The following PKHD1 variants were observed in gnomAD, a reference collection of about 807,000 sequenced individuals.
The protein encoded by PKHD1 is PKHD1 ciliary IPT domain containing fibrocystin/polyductin.
PKHD1 carries 291 observed loss-of-function variants against 412.0 expected under a neutral mutation model. The observed-to-expected ratio is 0.71, with a 90% confidence interval of 0.64 to 0.78. The LOEUF (loss-of-function observed/expected upper bound fraction) is 0.78. Ranked by LOEUF, PKHD1 falls within the 30% of genes least tolerant of loss-of-function variation. PKHD1 has a pLI of 0.00. For missense variants in PKHD1, 4,825 were observed against 4,950.7 expected (o/e 0.97, Z 0.76); for synonymous variants, 1,777 against 1,821.5 (o/e 0.98, Z 0.62).
chr6:51,730,636 A>T (rs896914090), intron 60 of PKHD1, among the ~76,000 whole-genome samples: 1 of 152,220 alleles, frequency 6.6e-6, no homozygotes, highest in African/African-American at 2.4e-5. Context: ...GAAAATGTAA[A>T]TACATAAAGA....
chr6:52,073,279 A>G (rs1810889145), intron 7 of PKHD1, among the ~76,000 whole-genome samples, 184 bp downstream of exon 7: 1 of 152,228 alleles, frequency 6.6e-6, no homozygotes, highest in African/African-American at 2.4e-5. Flanking sequence ...AACTTAATTG[A>G]CCAGTTGCAA....
intron 53 of PKHD1, among the ~76,000 whole-genome samples, chr6:51,780,386 CAAAGAAAAA>C (rs1791787555): frequency 6.9e-6 from 1 of 144,602 alleles, no homozygotes; most frequent in Non-Finnish European, 1.5e-5. Context: ...GACTCCATCT[CAAAGAAAAA>C]AAAAAAAGAA....
intron 60 of PKHD1, among the ~76,000 whole-genome samples, chr6:51,670,944 T>A (rs1436561052): frequency 6.6e-6 from 1 of 152,020 alleles, no homozygotes; most frequent in Non-Finnish European, 1.5e-5. Context: ...CTTCCCTTTG[T>A]GGGTAACCAG....
In PKHD1 at chr6:52,058,584, GATGGAGGCC is replaced by G. The variant is rs1554217913; in HGVS notation, c.1242_1250del (p.Ala415_Ile417del). The G allele has an allele frequency of 5.0e-6, 8 of 1,614,116 alleles. No homozygotes were observed. In the East Asian group the frequency reaches 1.8e-4, roughly 36 times the overall value. On this transcript the variant is annotated inframe_deletion, in exon 16 of 67. Coordinates refer to ENST00000371117, the MANE Select transcript of PKHD1 (RefSeq NM_138694.4). ...CAAACCAGTCAGCAGTGCCGACGCT[GATGGAGGCC>G]ACTTTCACCTATGCCCAAATAAGCA...
intron 43 of PKHD1, among the ~76,000 whole-genome samples, chr6:51,901,305 C>T (rs935854955): frequency 3.3e-5 from 5 of 152,118 alleles, no homozygotes; most frequent in Non-Finnish European, 5.9e-5. Context: ...ATCAAGAAAA[C>T]GTGGCACATA....
chr6:51,941,334 C>G (rs1472987274), intron 36 of PKHD1, among the ~76,000 whole-genome samples: 7 of 143,618 alleles, frequency 4.9e-5, no homozygotes, highest in Admixed American at 2.8e-4. Flanking sequence ...CGGCTCACTG[C>G]AAGCTCCGCT....
intron 54 of PKHD1, among the ~76,000 whole-genome samples, chr6:51,774,250 G>A (rs997672380): frequency 3.3e-5 from 5 of 151,902 alleles, no homozygotes; most frequent in South Asian, 2.1e-4. Context: ...GATTTAATAC[G>A]ATTAAAATTT....
chr6:51,672,956 A>G (rs1331624287), intron 60 of PKHD1, among the ~76,000 whole-genome samples: 1 of 152,204 alleles, frequency 6.6e-6, no homozygotes, highest in Non-Finnish European at 1.5e-5. Flanking sequence ...CTGTGGGGGA[A>G]AAAGCATACC....
intron 52 of PKHD1, among the ~76,000 whole-genome samples, chr6:51,818,297 C>A (rs1031318348): frequency 6.6e-6 from 1 of 152,196 alleles, no homozygotes; most frequent in African/African-American, 2.4e-5. Context: ...GGCAAATGCT[C>A]TGAGAAACAT....
chr6:51,905,643 T>C (rs912663463), intron 41 of PKHD1, among the ~76,000 whole-genome samples: 4 of 152,170 alleles, frequency 2.6e-5, no homozygotes, highest in Non-Finnish European at 4.4e-5. Context: ...CTTTTAAGTC[T>C]GGTGAAAAGT....
chr6:52,048,168 C>G (rs1005160257), intron 23 of PKHD1, among the ~76,000 whole-genome samples: 2 of 152,188 alleles, frequency 1.3e-5, no homozygotes, highest in Non-Finnish European at 2.9e-5. Context: ...CTTCTGGCCC[C>G]AGAACTGGGG....
chr6:51,884,878 G>A (rs1777961990), intron 45 of PKHD1, among the ~76,000 whole-genome samples: 4 of 152,042 alleles, frequency 2.6e-5, no homozygotes, highest in Admixed American at 2.0e-4. Context: ...TATATTTATA[G>A]TGCTCATGGG....
At chr6:51,685,552 T>C (rs1435638510) in intron 60 of PKHD1, among the ~76,000 whole-genome samples, 2 of 152,174 alleles carry the variant, frequency 1.3e-5, no homozygotes, top group African/African-American at 2.4e-5. Context: ...AAATTTTTGC[T>C]CTTGTATCCC....
intron 60 of PKHD1, among the ~76,000 whole-genome samples, chr6:51,722,933 T>A (rs1411287932): frequency 6.6e-6 from 1 of 152,194 alleles, no homozygotes; most frequent in Non-Finnish European, 1.5e-5. Context: ...AGGCCTGCTC[T>A]GAACAATAAA....
At chr6:52,061,607 C>T (rs1159351048) in intron 14 of PKHD1, among the ~76,000 whole-genome samples, 1 of 151,940 alleles carries the variant, frequency 6.6e-6, no homozygotes, top group African/African-American at 2.4e-5. Flanking sequence ...TTTCTTTACA[C>T]AACTGAGTTG....
chr6:51,993,308 A>G (rs914837623), intron 35 of PKHD1, among the ~76,000 whole-genome samples: 19 of 152,358 alleles, frequency 1.2e-4, no homozygotes, highest in Non-Finnish European at 2.5e-4. Flanking sequence ...GCTGCCTTCT[A>G]TAATCAGCAT....
Position 51,632,731 on chromosome 6 carries a change from G to A in PKHD1, c.11507-8C>T, listed in dbSNP as rs755710579. On this transcript the variant is annotated splice_region_variant and splice_polypyrimidine_tract_variant and intron_variant, in intron 64 of 66. Coordinates refer to ENST00000371117, the MANE Select transcript of PKHD1 (RefSeq NM_138694.4). Reference sequence around the variant, plus strand: ...GAGCTGTAAAATTGACTCCTGTGGCGGGGAAAAGAAGATGTTTCAATGATA... The same window carrying A: ...GAGCTGTAAAATTGACTCCTGTGGCAGGGAAAAGAAGATGTTTCAATGATA... The A allele has an allele frequency of 2.0e-5, 32 of 1,610,040 alleles. No homozygotes were observed. Among genetic ancestry groups the A allele is most frequent in the South Asian group, 1.6e-4 (15 of 90,924 alleles).
intron 54 of PKHD1, among the ~76,000 whole-genome samples, chr6:51,774,262 T>G (rs1248681057): frequency 6.6e-6 from 1 of 152,040 alleles, no homozygotes; most frequent in East Asian, 1.9e-4. Flanking sequence ...TTAAAATTTG[T>G]CATCTACTTA....
chr6:52,040,619 C>T (rs1804713854), intron 27 of PKHD1, among the ~76,000 whole-genome samples: 1 of 152,194 alleles, frequency 6.6e-6, no homozygotes, highest in Non-Finnish European at 1.5e-5. Flanking sequence ...GCCATGGCAA[C>T]CTCCATGACA....
Sources: gnomAD v4.1 joint callset for allele counts (sites outside exome capture counted in the v4.1 genomes callset) on GRCh38, gnomAD v4.1.1 for gene constraint, MANE v1.5 for transcripts, NCBI Gene and HGNC (gene_info 2026-07-23, HGNC 2026-07-21) for gene names.